OSBPL9: variants seen among roughly 807,000 people sequenced by gnomAD.
OSBPL9 encodes the protein oxysterol binding protein like 9, also known as oxysterol-binding protein-related protein 9.
In OSBPL9, 40 loss-of-function variants were observed where a neutral mutation model predicts 106.6. The ratio of observed to expected loss-of-function variants is 0.38; its 90% confidence interval spans 0.29 to 0.49. OSBPL9 has a LOEUF of 0.49. Among genes scored for constraint, OSBPL9 ranks in the 20% least tolerant of loss-of-function variants. The pLI is 0.97. For synonymous variants in OSBPL9, 269 were observed against 295.4 expected, an observed-to-expected ratio of 0.91 and a Z score of 0.92; for missense variants, 609 against 887.2, an observed-to-expected ratio of 0.69 and a Z score of 3.98.
the OSBPL9 span, among the ~76,000 whole-genome samples, chr1:51,529,331 C>T: frequency 6.6e-6 from 1 of 151,902 alleles, no homozygotes; most frequent in African/African-American, 2.4e-5. Context: ...GCTCTGCCTC[C>T]CAGGTTTGCC....
chr1:51,753,806 T>C (rs1669764714), intron 8 of OSBPL9, among the ~76,000 whole-genome samples: 1 of 152,240 alleles, frequency 6.6e-6, no homozygotes, highest in African/African-American at 2.4e-5. Context: ...TATTGGTTCC[T>C]AAACTTTACT....
intron 1 of OSBPL9, among the ~76,000 whole-genome samples, chr1:51,641,939 A>C (rs1485059399): frequency 1.3e-5 from 2 of 152,202 alleles, no homozygotes; most frequent in Non-Finnish European, 2.9e-5. Context: ...CATTCCTTAG[A>C]TGTTTCTTTA....
chr1:51,702,358 T>A (rs1657465680), intron 3 of OSBPL9, among the ~76,000 whole-genome samples: 1 of 152,228 alleles, frequency 6.6e-6, no homozygotes, highest in Non-Finnish European at 1.5e-5. Flanking sequence ...TGTGAGATGG[T>A]ATCTCATTGT....
At position 51,788,122 on chromosome 1, in the gene OSBPL9, A is replaced by G. The variant is rs1167405832; in HGVS notation, c.*333A>G. On this transcript the variant is annotated 3_prime_UTR_variant, in exon 24 of 24. Transcript: ENST00000428468. ...CGCTCTAGTACTGCTGTTAAGATAC[A>G]CAACTTGTTTCTTAGTTCATATAAT... 1 of 276,498 alleles carries G rather than the reference A, an allele frequency of 3.6e-6. No homozygotes were observed. The highest frequency in any genetic ancestry group is 6.9e-6 in the Non-Finnish European group (1 of 144,816). 17.1% of individuals were successfully genotyped at this position (276,498 alleles called of 1,614,324 possible).
rs376629701 is a variant in OSBPL9, at chr1:51,672,799, T to C, written c.241+3287T>C. ...AGAATGGAGTTGCCATTAACTGAAG[T>C]GGAAGATTGCAGGAGGAACTAGTTT... is the stretch of plus-strand genomic sequence containing the variant. On this transcript the variant is annotated intron_variant, in intron 3 of 23. Transcript: ENST00000428468. 4.7e-4 allele frequency among the ~76,000 whole-genome samples: 72 copies of C among 152,226 alleles called. 3 individuals are homozygous for C. The South Asian group carries it at 0.012, about 25-fold the overall frequency.
chr1:51,714,142 T>G, intron 4 of OSBPL9, 63 bp downstream of exon 4: 2 of 1,311,048 alleles, frequency 1.5e-6, no homozygotes, highest in Non-Finnish European at 2.1e-6. Flanking sequence ...TTTGTCTGTT[T>G]TCTGTTTTTT....
chr1:51,597,409 G>GTGTATA (rs1553149015), intron 1 of OSBPL9, among the ~76,000 whole-genome samples: 3 of 135,618 alleles, frequency 2.2e-5, no homozygotes, highest in African/African-American at 8.0e-5. Flanking sequence ...ATATATGTGT[G>GTGTATA]TATATATATA....
chr1:51,530,062 T>G, the OSBPL9 span, among the ~76,000 whole-genome samples: 1 of 149,618 alleles, frequency 6.7e-6, no homozygotes, highest in Non-Finnish European at 1.5e-5. Flanking sequence ...TCCCAGCTAC[T>G]TGGGAGGCTG....
At chr1:51,731,933 C>T (rs2148947477) in intron 4 of OSBPL9, among the ~76,000 whole-genome samples, 1 of 152,292 alleles carries the variant, frequency 6.6e-6, no homozygotes, top group East Asian at 1.9e-4. Context: ...TGGAAGTGCC[C>T]TTCAGTAAAT....
intron 3 of OSBPL9, among the ~76,000 whole-genome samples, chr1:51,679,192 T>C (rs1236405491): frequency 6.6e-6 from 1 of 152,208 alleles, no homozygotes; most frequent in African/African-American, 2.4e-5. Flanking sequence ...TCTTCTTTAT[T>C]TGCTTTCTGT....
intron 4 of OSBPL9, among the ~76,000 whole-genome samples, chr1:51,737,548 GT>G (rs1334526393): frequency 9.5e-4 from 9 of 9,520 alleles, no homozygotes; most frequent in South Asian, 0.013. Context: ...TTTCAGGGGT[GT>G]GTGTGTGTGT....
At chr1:51,695,247 A>G (rs1655782539) in intron 3 of OSBPL9, among the ~76,000 whole-genome samples, 1 of 152,220 alleles carries the variant, frequency 6.6e-6, no homozygotes, top group African/African-American at 2.4e-5. Context: ...GTAGTGGTAA[A>G]GAATTTAGTG....
intron 1 of OSBPL9, among the ~76,000 whole-genome samples, chr1:51,635,584 G>A (rs1305501771): frequency 6.6e-6 from 1 of 152,052 alleles, no homozygotes; most frequent in East Asian, 1.9e-4. Context: ...TTACTAACAT[G>A]CTATCAGTAG....
chr1:51,590,666 G>A (rs1330135717), intron 1 of OSBPL9, among the ~76,000 whole-genome samples: 1 of 151,458 alleles, frequency 6.6e-6, no homozygotes, highest in African/African-American at 2.4e-5. Context: ...TCACGTTTAG[G>A]ATTATGTTTT....
At chr1:51,719,217 C>T (rs546722046) in intron 4 of OSBPL9, among the ~76,000 whole-genome samples, 5 of 152,182 alleles carry the variant, frequency 3.3e-5, no homozygotes, top group Non-Finnish European at 5.9e-5. Context: ...CTAAGATCTT[C>T]TTCATCCTTT....
intron 1 of OSBPL9, among the ~76,000 whole-genome samples, chr1:51,581,048 A>T (rs1645219230): frequency 1.4e-5 from 2 of 144,220 alleles, no homozygotes; most frequent in Non-Finnish European, 3.0e-5. Flanking sequence ...GGTTCAGGTG[A>T]TCCTCCTACC....
intron 2 of OSBPL9, among the ~76,000 whole-genome samples, chr1:51,662,237 T>A (rs528106093): frequency 6.6e-6 from 1 of 152,212 alleles, no homozygotes; most frequent in Admixed American, 6.5e-5. Context: ...GGACATGGAA[T>A]TGAAAAGGGC....
At chr1:51,526,524 G>T in the OSBPL9 span, among the ~76,000 whole-genome samples, 1 of 152,156 alleles carries the variant, frequency 6.6e-6, no homozygotes, top group Admixed American at 6.6e-5. Flanking sequence ...TGGTGTGAGA[G>T]AACCTAGTTC....
At chr1:51,696,825 T>C (rs1656115556) in intron 3 of OSBPL9, among the ~76,000 whole-genome samples, 1 of 152,176 alleles carries the variant, frequency 6.6e-6, no homozygotes, top group Non-Finnish European at 1.5e-5. Context: ...TTTTTATTTT[T>C]ATCTTTTTTG....
Sources: gnomAD v4.1 joint callset for allele counts (sites outside exome capture counted in the v4.1 genomes callset) on GRCh38, gnomAD v4.1.1 for gene constraint, MANE v1.5 for transcripts, NCBI Gene and HGNC (gene_info 2026-07-23, HGNC 2026-07-21) for gene names.